The following CTNNA3 variants were observed in gnomAD, a reference collection of about 807,000 sequenced individuals.
CTNNA3 encodes catenin alpha 3, also known as catenin alpha-3.
CTNNA3 carries 76 observed loss-of-function variants against 95.7 expected under a neutral mutation model. The observed-to-expected ratio is 0.79, with a 90% CI of 0.66 to 0.96. The LOEUF (loss-of-function observed/expected upper bound fraction) is 0.96, where lower values mean the gene tolerates loss of function less well. Among genes scored for constraint, CTNNA3 ranks in the 40% least tolerant of loss-of-function variants. The probability of loss-of-function intolerance (pLI) is 0.00; values close to 1 mark genes in which losing one functional copy is unlikely to be tolerated. For synonymous variants in CTNNA3, 431 were observed against 374.4 expected (o/e 1.15, Z -1.74); for missense variants, 1,191 against 1,089.8 (o/e 1.09, Z -1.31).
rs1589756652 is a variant in CTNNA3 at position 67,116,083 on chromosome 10, T to C, written c.1047+64234A>G. Reference sequence around the variant, plus strand: ...GCCAGATCCAACTAGATGAGTCAACTATTCCCCAGGCATAACTCCTGGGGT... The same window carrying C: ...GCCAGATCCAACTAGATGAGTCAACCATTCCCCAGGCATAACTCCTGGGGT... On this transcript the variant is annotated intron_variant, in intron 7 of 17. Transcript: ENST00000433211. Among the ~76,000 whole-genome samples, 4 of 152,066 alleles carry C rather than the reference T, an allele frequency of 2.6e-5. No individual in the cohort carries two copies. The East Asian group carries it at 7.7e-4, about 29-fold the overall frequency.
At chr10:66,330,565 T>C (rs939958026) in intron 12 of CTNNA3, among the ~76,000 whole-genome samples, 5 of 152,118 alleles carry the variant, frequency 3.3e-5, no homozygotes, top group Admixed American at 6.5e-5. Context: ...GCATGTTTTA[T>C]AATCCTCTGG....
intron 13 of CTNNA3, among the ~76,000 whole-genome samples, chr10:66,199,788 TATATATATATATATATA>T (rs1461903677): frequency 7.5e-3 from 102 of 13,684 alleles, no homozygotes; most frequent in Middle Eastern, 0.021. Context: ...TATATATATA[TATATATATATATATATA>T]TTTTTTTTTT....
At chr10:66,816,417 A>C (rs1164772460) in intron 7 of CTNNA3, among the ~76,000 whole-genome samples, 1 of 152,124 alleles carries the variant, frequency 6.6e-6, no homozygotes, top group Non-Finnish European at 1.5e-5. Context: ...TTTAAAAATA[A>C]TACAACATGC....
chr10:67,178,641 G>C (rs1564946344), intron 7 of CTNNA3, among the ~76,000 whole-genome samples: 1 of 151,750 alleles, frequency 6.6e-6, no homozygotes, highest in Non-Finnish European at 1.5e-5. Context: ...TACCTATAAA[G>C]AATAAAATAA....
rs2076974833 is a variant in CTNNA3 at position 65,913,841 on chromosome 10, G to A, written c.*6489C>T. The A allele has an allele frequency of 6.6e-6, 1 of 152,112 alleles. No homozygotes were observed. Among genetic ancestry groups the A allele is most frequent in the South Asian group, 2.1e-4 (1 of 4,828 alleles). 9.4% of individuals were successfully genotyped at this position (152,112 alleles called of 1,614,324 possible). A position where few individuals can be genotyped will look rare whatever the true frequency, so the allele number is the denominator to read the frequency against. On this transcript the variant is annotated 3_prime_UTR_variant, in exon 18 of 18. Transcript: ENST00000433211. ...CTCAACTCTCAGTGAATACCACAGA[G>A]AGGTTCAGGTAATTTACACAGATGG...
chr10:66,699,097 T>C (rs956346885), intron 9 of CTNNA3, among the ~76,000 whole-genome samples: 3 of 152,208 alleles, frequency 2.0e-5, no homozygotes, highest in African/African-American at 7.2e-5. Context: ...CATATCTGTA[T>C]TTCAACCTTC....
intron 10 of CTNNA3, among the ~76,000 whole-genome samples, chr10:66,550,013 A>C (rs763396865): frequency 6.6e-6 from 1 of 152,058 alleles, no homozygotes; most frequent in Non-Finnish European, 1.5e-5. Flanking sequence ...TTTTTGTCTA[A>C]ATGTTCTATT....
At chr10:66,628,618 G>A (rs1454075537) in intron 9 of CTNNA3, among the ~76,000 whole-genome samples, 1 of 152,072 alleles carries the variant, frequency 6.6e-6, no homozygotes, top group African/African-American at 2.4e-5. Flanking sequence ...AGGAGACTTG[G>A]GCTTCTTTCT....
intron 11 of CTNNA3, among the ~76,000 whole-genome samples, chr10:66,518,200 G>A (rs1321645593): frequency 1.3e-5 from 2 of 152,120 alleles, no homozygotes; most frequent in Non-Finnish European, 2.9e-5. Context: ...CCAGAATATC[G>A]GTATATCAGG....
chr10:66,857,243 T>G (rs1371703487), intron 7 of CTNNA3, among the ~76,000 whole-genome samples: 4 of 152,100 alleles, frequency 2.6e-5, no homozygotes, highest in Non-Finnish European at 5.9e-5. Flanking sequence ...GGCTCTCTAT[T>G]CTGTTTCATT....
At chr10:66,855,150 G>A (rs1280138109) in intron 7 of CTNNA3, among the ~76,000 whole-genome samples, 1 of 151,962 alleles carries the variant, frequency 6.6e-6, no homozygotes, top group Non-Finnish European at 1.5e-5. Flanking sequence ...CACAAGGTTA[G>A]CAGTTTCTGA....
At chr10:66,103,128 T>C (rs766708884) in intron 14 of CTNNA3, 29 bp downstream of exon 14, 11 of 1,573,012 alleles carry the variant, frequency 7.0e-6, no homozygotes, top group East Asian at 2.2e-5. Context: ...ACACAGTACA[T>C]GGTTCTCCCA....
At chr10:66,140,899 G>A (rs1292739354) in intron 13 of CTNNA3, among the ~76,000 whole-genome samples, 1 of 152,114 alleles carries the variant, frequency 6.6e-6, no homozygotes, top group Non-Finnish European at 1.5e-5. Context: ...TGTTGCTGTT[G>A]GTTGTGATGA....
chr10:65,976,461 G>T (rs553473528), intron 16 of CTNNA3, among the ~76,000 whole-genome samples: 7 of 152,252 alleles, frequency 4.6e-5, no homozygotes, highest in African/African-American at 1.7e-4. Flanking sequence ...ATTAAGGAAA[G>T]AATGAGTCAA....
At chr10:66,624,550 G>T (rs1449904773) in intron 9 of CTNNA3, among the ~76,000 whole-genome samples, 1 of 152,106 alleles carries the variant, frequency 6.6e-6, no homozygotes, top group Non-Finnish European at 1.5e-5. Flanking sequence ...TACAAACATT[G>T]AGTCTAGATT....
rs530301987 is a variant in CTNNA3 at position 66,091,159 on chromosome 10, T to G, written c.1977+11998A>C. Among the ~76,000 whole-genome samples the G allele has an allele frequency of 3.3e-5, 5 of 152,042 alleles. No individual in the cohort carries two copies. The South Asian group carries it at 6.2e-4, about 19-fold the overall frequency. On this transcript the variant is annotated intron_variant, in intron 14 of 17. Transcript: ENST00000433211. ...AATAGGACTTTTTCAATGATGACAA[T>G]TTAAGGCAGAAAAAGCAGAGACATA... is the stretch of plus-strand genomic sequence containing the variant.
rs1042003095 is a variant in CTNNA3 at position 67,048,621 on chromosome 10, A to G, written c.1047+131696T>C. On this transcript the variant is annotated intron_variant, in intron 7 of 17. Coordinates refer to ENST00000433211, the MANE Select transcript of CTNNA3 (RefSeq NM_013266.4). ...ATGAAAATCACTTATTCCTTTGAAA[A>G]TTGGGATACTTTTTATTTTGAGAGC... Among the ~76,000 whole-genome samples the G allele has an allele frequency of 8.5e-5, 13 of 152,106 alleles. 1 individual carries two copies. Among genetic ancestry groups the G allele is most frequent in the Admixed American group, 8.5e-4 (13 of 15,270 alleles).
chr10:66,508,209 TG>T (rs1225873168), intron 11 of CTNNA3, among the ~76,000 whole-genome samples: 17 of 133,634 alleles, frequency 1.3e-4, no homozygotes, highest in Admixed American at 2.9e-4. Context: ...TTTTGTTTTC[TG>T]TTTTTTTTTT....
rs58839205 is a variant in CTNNA3, at chr10:67,237,061, G to A, written c.580-17191C>T. Among the ~76,000 whole-genome samples, 292 of 137,678 alleles carry A rather than the reference G, an allele frequency of 2.1e-3. 2 individuals are homozygous for A. The highest frequency in any genetic ancestry group is 7.4e-3 in the African/African-American group (281 of 38,188). 90.3% of individuals were successfully genotyped at this position (137,678 alleles called of 152,430 possible). ...GTTTACAGCAGGACAATTCACAATT[G>A]GAAAATTGTGGAACCAACCCAAATG... On this transcript the variant is annotated intron_variant, in intron 5 of 17. Coordinates refer to ENST00000433211, the MANE Select transcript of CTNNA3 (RefSeq NM_013266.4).
Sources: allele counts gnomAD v4.1 joint callset (sites outside exome capture counted in the v4.1 genomes callset), GRCh38; gene constraint gnomAD v4.1.1; transcripts MANE v1.5; gene names NCBI Gene and HGNC (gene_info 2026-07-23, HGNC 2026-07-21).